CLSTN2: variants seen among roughly 807,000 people sequenced by gnomAD.
The protein encoded by CLSTN2 is calsyntenin-2.
CLSTN2 carries 48 observed loss-of-function variants against 101.2 expected under a neutral mutation model. That is an observed-to-expected ratio of 0.47 (90% confidence interval 0.38 to 0.60). The LOEUF (loss-of-function observed/expected upper bound fraction) is 0.60, where lower values mean the gene tolerates loss of function less well. CLSTN2 is among the 20% of genes least tolerant of loss of function. The pLI is 0.00. For synonymous variants in CLSTN2, 481 were observed against 463.6 expected (o/e 1.04, Z -0.48); for missense variants, 1,160 against 1,238.2 (o/e 0.94, Z 0.95).
rs143540617 is a variant in CLSTN2 at position 140,133,645 on chromosome 3, G to C, written c.110-42306G>C. ...GTGGGGGGGCCAGGAGGCTGCCCTCGTTGCCAGATTTAAGAGCATTCACAG... is the reference window on the plus strand; with the variant it reads ...GTGGGGGGGCCAGGAGGCTGCCCTCCTTGCCAGATTTAAGAGCATTCACAG... On this transcript the variant is annotated intron_variant, in intron 1 of 16. Coordinates refer to ENST00000458420, the MANE Select transcript of CLSTN2 (RefSeq NM_022131.3). Among the ~76,000 whole-genome samples, 3 of 152,264 alleles carry C rather than the reference G, an allele frequency of 2.0e-5. No homozygotes were observed. In the South Asian group the frequency reaches 6.2e-4, roughly 32 times the overall value.
intron 8 of CLSTN2, among the ~76,000 whole-genome samples, chr3:140,518,759 AG>A (rs1934970076): frequency 6.6e-6 from 1 of 152,100 alleles, no homozygotes; most frequent in South Asian, 2.1e-4. Flanking sequence ...TTGGAGCAAA[AG>A]TTCACGACGT....
intron 1 of CLSTN2, among the ~76,000 whole-genome samples, chr3:140,146,892 A>G (rs1168111760): frequency 6.6e-6 from 1 of 152,232 alleles, no homozygotes; most frequent in Admixed American, 6.5e-5. Context: ...CCAGTCATCC[A>G]TGCATTTATT....
chr3:140,133,253 G>A (rs2009549467), intron 1 of CLSTN2, among the ~76,000 whole-genome samples: 1 of 152,248 alleles, frequency 6.6e-6, no homozygotes, highest in South Asian at 2.1e-4. Flanking sequence ...ACCATGTAGA[G>A]GGGACCAAGC....
intron 2 of CLSTN2, among the ~76,000 whole-genome samples, chr3:140,216,522 G>A (rs1168793753): frequency 2.6e-5 from 4 of 152,076 alleles, no homozygotes; most frequent in African/African-American, 4.8e-5. Flanking sequence ...GCTTTTCCAC[G>A]TGTGCCTCTT....
At chr3:140,438,112 C>A (rs1008575629) in intron 5 of CLSTN2, among the ~76,000 whole-genome samples, 3 of 152,188 alleles carry the variant, frequency 2.0e-5, no homozygotes, top group Admixed American at 2.0e-4. Flanking sequence ...GCAATTAGTA[C>A]AAAAGTCTTT....
chr3:140,267,263 A>G (rs2086700942), intron 2 of CLSTN2, among the ~76,000 whole-genome samples: 1 of 152,306 alleles, frequency 6.6e-6, no homozygotes, highest in South Asian at 2.1e-4. Context: ...CTTTCCTTAA[A>G]AAGCAGAATG....
At chr3:139,974,161 G>A (rs952906144) in intron 1 of CLSTN2, among the ~76,000 whole-genome samples, 2 of 152,220 alleles carry the variant, frequency 1.3e-5, no homozygotes, top group African/African-American at 2.4e-5. Context: ...CAAAGTGCTT[G>A]TAAGCCTGAG....
At chr3:140,450,974 A>T (rs887358047) in intron 6 of CLSTN2, among the ~76,000 whole-genome samples, 6 of 152,176 alleles carry the variant, frequency 3.9e-5, no homozygotes, top group African/African-American at 1.4e-4. Context: ...AAAAATGGTT[A>T]TAAGGGATCT....
At chr3:140,071,788 G>A (rs985387108) in intron 1 of CLSTN2, among the ~76,000 whole-genome samples, 11 of 151,846 alleles carry the variant, frequency 7.2e-5, no homozygotes, top group East Asian at 1.9e-4. Flanking sequence ...CCGAGACTGC[G>A]CCACTGCACT....
intron 1 of CLSTN2, among the ~76,000 whole-genome samples, chr3:140,159,285 G>A (rs2010007515): frequency 6.6e-6 from 1 of 151,966 alleles, no homozygotes; most frequent in Admixed American, 6.6e-5. Flanking sequence ...ATCCAACAAA[G>A]GCCTAATATC....
chr3:140,263,060 C>A (rs1202926733), intron 2 of CLSTN2, among the ~76,000 whole-genome samples: 2 of 149,794 alleles, frequency 1.3e-5, no homozygotes, highest in African/African-American at 2.5e-5. Flanking sequence ...CCAAAAAAAC[C>A]CCCAAGAGCA....
At chr3:140,438,431 TA>T (rs60186664) in intron 5 of CLSTN2, among the ~76,000 whole-genome samples, 33 of 45,666 alleles carry the variant, frequency 7.2e-4, no homozygotes, top group African/African-American at 2.5e-3. Context: ...GTCCTTTCAT[TA>T]AAAAAAAAAA....
At chr3:140,321,972 AG>A (rs1388075741) in intron 2 of CLSTN2, among the ~76,000 whole-genome samples, 1 of 152,178 alleles carries the variant, frequency 6.6e-6, no homozygotes, top group African/African-American at 2.4e-5. Flanking sequence ...GTTTGGCTGC[AG>A]GGCAGATGCC....
chr3:140,561,816 C>T lies in CLSTN2; in HGVS notation c.2042-322C>T, dbSNP rs1024777605. Among the ~76,000 whole-genome samples, 4 of 152,258 alleles carry T rather than the reference C, an allele frequency of 2.6e-5. No individual in the cohort carries two copies. In the South Asian group the frequency reaches 8.3e-4, roughly 32 times the overall value. On this transcript the variant is annotated intron_variant, in intron 12 of 16. Coordinates refer to ENST00000458420, the MANE Select transcript of CLSTN2 (RefSeq NM_022131.3). ...CAACCATCCCAAGACCCTTGCCTGCCTTATAGATGAGGAAACTGAGTGGTA... is the reference window on the plus strand; with the variant it reads ...CAACCATCCCAAGACCCTTGCCTGCTTTATAGATGAGGAAACTGAGTGGTA...
intron 1 of CLSTN2, among the ~76,000 whole-genome samples, chr3:140,055,135 C>CT (rs1299000199): frequency 6.6e-6 from 1 of 152,186 alleles, no homozygotes; most frequent in Non-Finnish European, 1.5e-5. Flanking sequence ...TTTCATCTCT[C>CT]TTTTTTTCCT....
chr3:140,548,484 G>A (rs971097205), intron 10 of CLSTN2, among the ~76,000 whole-genome samples: 2 of 152,210 alleles, frequency 1.3e-5, no homozygotes, highest in African/African-American at 4.8e-5. Flanking sequence ...GAACCTTGGA[G>A]ACTGGCAGTC....
chr3:140,048,345 G>T (rs561556842), intron 1 of CLSTN2, among the ~76,000 whole-genome samples: 5 of 152,306 alleles, frequency 3.3e-5, no homozygotes, highest in Non-Finnish European at 7.3e-5. Flanking sequence ...AAGATCTCCA[G>T]TGAGATTTCT....
At chr3:140,274,827 G>A (rs925918144) in intron 2 of CLSTN2, among the ~76,000 whole-genome samples, 23 of 152,238 alleles carry the variant, frequency 1.5e-4, no homozygotes, top group Middle Eastern at 3.4e-3. Context: ...GAGAGCAAGC[G>A]GGTCAGAATT....
chr3:139,997,856 G>T (rs1468481662), intron 1 of CLSTN2, among the ~76,000 whole-genome samples: 5 of 151,968 alleles, frequency 3.3e-5, no homozygotes, highest in Admixed American at 2.6e-4. Flanking sequence ...GCCACTTTTA[G>T]AAAACATCAG....
Sources: gnomAD v4.1 joint callset for allele counts (sites outside exome capture counted in the v4.1 genomes callset) on GRCh38, gnomAD v4.1.1 for gene constraint, MANE v1.5 for transcripts, NCBI Gene and HGNC (gene_info 2026-07-23, HGNC 2026-07-21) for gene names.